DIS3L2: variants seen among roughly 807,000 people sequenced by gnomAD.
DIS3L2 encodes the protein DIS3-like exonuclease 2.
In DIS3L2, 34 loss-of-function variants were observed where a neutral mutation model predicts 97.5. That is an observed-to-expected ratio of 0.35 (90% CI 0.27 to 0.46). The LOEUF is 0.46. DIS3L2 is among the 20% of genes least tolerant of loss of function. The pLI is 1.00. For missense variants in DIS3L2, 1,038 were observed against 1,146.0 expected (o/e 0.91, Z 1.36); for synonymous variants, 435 against 445.2 (o/e 0.98, Z 0.29).
intron 13 of DIS3L2, among the ~76,000 whole-genome samples, chr2:232,273,070 C>A (rs720734): frequency 0.082 from 12,464 of 152,124 alleles, 1,204 homozygotes; most frequent in East Asian, 0.44. Flanking sequence ...CACCCTGTGA[C>A]CTTCTAGGTT....
intron 9 of DIS3L2, among the ~76,000 whole-genome samples, chr2:232,194,867 A>G (rs1691707138): frequency 6.6e-6 from 1 of 152,100 alleles, no homozygotes; most frequent in Non-Finnish European, 1.5e-5. Flanking sequence ...TCCTCTCCTG[A>G]AGTTGGTGGG....
intron 11 of DIS3L2, among the ~76,000 whole-genome samples, chr2:232,244,384 T>A (rs1340836457): frequency 6.6e-6 from 1 of 152,138 alleles, no homozygotes; most frequent in Non-Finnish European, 1.5e-5. Flanking sequence ...CTTGCTTATT[T>A]AACTTGGGAC....
intron 5 of DIS3L2, among the ~76,000 whole-genome samples, chr2:232,057,465 A>C (rs1695576285): frequency 6.6e-6 from 1 of 152,180 alleles, no homozygotes; most frequent in Non-Finnish European, 1.5e-5. Context: ...ACCGTAAGAG[A>C]GATTATCTTT....
intron 9 of DIS3L2, among the ~76,000 whole-genome samples, chr2:232,182,606 G>A (rs1196914541): frequency 3.3e-5 from 5 of 152,034 alleles, no homozygotes; most frequent in African/African-American, 1.2e-4. Context: ...GTTGTTAGAT[G>A]CATGTGTGTT....
At chr2:231,990,776 T>A (rs1416027820) in intron 1 of DIS3L2, among the ~76,000 whole-genome samples, 1 of 152,190 alleles carries the variant, frequency 6.6e-6, no homozygotes, top group African/African-American at 2.4e-5. Flanking sequence ...CAAGTAATGA[T>A]ACTGTAGATC....
At chr2:231,977,811 A>G (rs1298702167) in intron 1 of DIS3L2, among the ~76,000 whole-genome samples, 1 of 114,790 alleles carries the variant, frequency 8.7e-6, no homozygotes, top group African/African-American at 2.6e-5. Flanking sequence ...ATGGAAAACT[A>G]TCTAGCTGTT....
intron 13 of DIS3L2, 33 bp from the exon 14 acceptor site, chr2:232,300,007 T>G: frequency 6.2e-7 from 1 of 1,607,294 alleles, no homozygotes; most frequent in South Asian, 1.1e-5. Flanking sequence ...GCATGCTGCC[T>G]AAAACTTCTT....
At position 231,961,778 on chromosome 2, in the gene DIS3L2, C is replaced by G. The variant is rs1461426446; in HGVS notation, c.-94+13C>G. The G allele has an allele frequency of 6.5e-6, 1 of 153,112 alleles. No homozygotes were observed. Among genetic ancestry groups the G allele is most frequent in the African/African-American group, 2.4e-5 (1 of 41,478 alleles). 9.5% of individuals were successfully genotyped at this position (153,112 alleles called of 1,614,324 possible). A position where few individuals can be genotyped will look rare whatever the true frequency, so the allele number is the denominator to read the frequency against. On this transcript the variant is annotated intron_variant, in intron 1 of 20. Transcript: ENST00000325385. ...CCGGGGAGAAACGGTGAGGCCCTCA[C>G]TCGCCTGCCCCCTGCACCGCCTAGT...
rs115813333 is a variant in DIS3L2, at chr2:232,312,170, G to A, written c.1739+12051G>A. ...TTACTGCCTCTGGTGTTATTTTAACGTACAGAAGTACTTAATTTTAATGGA... is the reference window on the plus strand; with the variant it reads ...TTACTGCCTCTGGTGTTATTTTAACATACAGAAGTACTTAATTTTAATGGA... On this transcript the variant is annotated intron_variant, in intron 14 of 20. Coordinates refer to ENST00000325385, the MANE Select transcript of DIS3L2 (RefSeq NM_152383.5). Among the ~76,000 whole-genome samples the A allele has an allele frequency of 5.2e-3, 792 of 152,202 alleles. 2 individuals are homozygous for A. Among genetic ancestry groups the A allele is most frequent in the Non-Finnish European group, 7.6e-3 (517 of 67,996 alleles).
intron 10 of DIS3L2, among the ~76,000 whole-genome samples, chr2:232,215,748 G>A (rs1046330790): frequency 6.6e-6 from 1 of 152,182 alleles, no homozygotes; most frequent in Non-Finnish European, 1.5e-5. Context: ...CCCCCTGTGT[G>A]CCAGGCTTTG....
intron 8 of DIS3L2, among the ~76,000 whole-genome samples, chr2:232,143,949 G>A (rs907470080): frequency 6.6e-6 from 1 of 151,554 alleles, no homozygotes; most frequent in Admixed American, 6.6e-5. Flanking sequence ...GCTTGTTTTT[G>A]AACCTTTACA....
intron 6 of DIS3L2, among the ~76,000 whole-genome samples, chr2:232,116,742 C>T (rs1697725780): frequency 6.6e-6 from 1 of 152,112 alleles, no homozygotes; most frequent in Non-Finnish European, 1.5e-5. Flanking sequence ...GAATGTCCGC[C>T]ATTAAGGACA....
At chr2:232,168,679 C>T (rs1690894863) in intron 9 of DIS3L2, among the ~76,000 whole-genome samples, 1 of 152,146 alleles carries the variant, frequency 6.6e-6, no homozygotes, top group Non-Finnish European at 1.5e-5. Flanking sequence ...GTACACCTCA[C>T]CTACCACCTG....
At position 232,334,389 on chromosome 2, in the gene DIS3L2, A is replaced by G. The variant is rs1060503030; in HGVS notation, c.2179A>G (p.Met727Val). 1.9e-6 allele frequency: 3 copies of G among 1,613,380 alleles called. No homozygotes were observed. The highest frequency in any genetic ancestry group is 2.5e-6 in the Non-Finnish European group (3 of 1,179,928). The change falls in exon 18 of 21, where the codon ATG becomes GTG. Residue 727 changes from methionine to valine, a missense_variant. Transcript: ENST00000325385. ...AALGYRERLDMAPDTLQKQAD... is the reference protein window; with the variant it reads ...AALGYRERLDVAPDTLQKQAD... The stretch of plus-strand genomic sequence containing the variant: ...CCCAGGCTATAGGGAGCGACTAGAC[A>G]TGGCGCCCGATACCCTGCAGAAACA...
Position 232,337,161 on chromosome 2 carries a change from T to G in DIS3L2, c.*531T>G. The stretch of plus-strand genomic sequence containing the variant: ...CAGATGATTGATACTGGAGTCTCAT[T>G]CTGCCTGATTAAAAATGGAATTAGT... On this transcript the variant is annotated 3_prime_UTR_variant, in exon 21 of 21. Transcript: ENST00000325385. The G allele has an allele frequency of 2.0e-6, 2 of 998,112 alleles. No individual in the cohort carries two copies. Among genetic ancestry groups the G allele is most frequent in the Non-Finnish European group, 2.4e-6 (2 of 839,402 alleles). The allele number at this position is 998,112 out of a possible 1,614,324, so 61.8% of individuals were successfully genotyped here. A position where few individuals can be genotyped will look rare whatever the true frequency, so the allele number is the denominator to read the frequency against.
chr2:232,118,047 A>G (rs1295702420), intron 6 of DIS3L2, among the ~76,000 whole-genome samples: 3 of 152,082 alleles, frequency 2.0e-5, no homozygotes, highest in Admixed American at 6.5e-5. Flanking sequence ...GGCTTTTGTG[A>G]TTATTGGCCA....
chr2:232,127,569 C>T (rs1367802364), intron 6 of DIS3L2, among the ~76,000 whole-genome samples: 2 of 152,218 alleles, frequency 1.3e-5, no homozygotes, highest in African/African-American at 4.8e-5. Flanking sequence ...TCTTATCTTG[C>T]CCTGGGCAAT....
At chr2:232,169,145 A>G (rs1690908934) in intron 9 of DIS3L2, among the ~76,000 whole-genome samples, 1 of 152,154 alleles carries the variant, frequency 6.6e-6, no homozygotes, top group Non-Finnish European at 1.5e-5. Context: ...CACTGCTTTC[A>G]AAGAGTTTTT....
chr2:232,038,668 G>T (rs1695020879), intron 5 of DIS3L2, among the ~76,000 whole-genome samples: 1 of 152,168 alleles, frequency 6.6e-6, no homozygotes, highest in Non-Finnish European at 1.5e-5. Context: ...TTCCTGTGCT[G>T]TTAGAAGTGC....
Sources: gnomAD v4.1 joint callset for allele counts (sites outside exome capture counted in the v4.1 genomes callset) on GRCh38, gnomAD v4.1.1 for gene constraint, MANE v1.5 for transcripts, NCBI Gene and HGNC (gene_info 2026-07-23, HGNC 2026-07-21) for gene names.